LGALS8: variants seen among roughly 807,000 people sequenced by gnomAD.
LGALS8 encodes galectin-8.
A neutral mutation model predicts 35.9 loss-of-function variants in LGALS8; 30 were observed. The ratio of observed to expected loss-of-function variants is 0.83; its 90% CI spans 0.62 to 1.13. LGALS8 has a LOEUF of 1.13. Ranked by LOEUF, LGALS8 falls within the 50% of genes most tolerant of loss-of-function variation. LGALS8 has a pLI of 0.00. For missense variants in LGALS8, 366 were observed against 388.7 expected, an observed-to-expected ratio of 0.94 and a Z score of 0.49; for synonymous variants, 138 against 136.1, an observed-to-expected ratio of 1.01 and a Z score of -0.10.
Position 236,552,249 on chromosome 1 carries a change from T to C in LGALS8, c.*4088T>C. On this transcript the variant is annotated 3_prime_UTR_variant, in exon 10 of 10. Coordinates refer to ENST00000366584, the MANE Select transcript of LGALS8 (RefSeq NM_201544.4). ...ATTCACTTCATTATGTTCATTAAGCTTTCATCTTAGAATACCAGTTTCACC... is the reference window on the plus strand; with the variant it reads ...ATTCACTTCATTATGTTCATTAAGCCTTCATCTTAGAATACCAGTTTCACC... 1.8e-6 allele frequency: 1 copy of C among 540,652 alleles called. No individual in the cohort carries two copies. Among genetic ancestry groups the C allele is most frequent in the Non-Finnish European group, 3.2e-6 (1 of 308,528 alleles). 33.5% of individuals were successfully genotyped at this position (540,652 alleles called of 1,614,324 possible).
In LGALS8 at chr1:236,537,575, G is replaced by A; in HGVS notation, c.124G>A (p.Asp42Asn). 1 of 1,599,572 alleles carries A rather than the reference G, an allele frequency of 6.3e-7. No homozygotes were observed. Among genetic ancestry groups the A allele is most frequent in the South Asian group, 1.1e-5 (1 of 90,844 alleles). ...LIVIRGHVPSDADRFQVDLQN... is the reference protein window; with the variant it reads ...LIVIRGHVPSNADRFQVDLQN... ...TGTGATACGTGGGCATGTTCCTAGT[G>A]ACGCAGACAGGTAAAATCACTGTGC... Residue 42 changes from aspartate to asparagine, a missense_variant, in exon 3 of 10, where the codon GAC becomes AAC. Transcript: ENST00000366584.
At position 236,538,092 on chromosome 1, in the gene LGALS8, A is replaced by AAG. The variant is rs1381740609; in HGVS notation, c.134+508_134+509insGA. 5.3e-4 allele frequency among the ~76,000 whole-genome samples: 69 copies of AAG among 129,710 alleles called. 3 individuals are homozygous for AAG. Among genetic ancestry groups the AAG allele is most frequent in the African/African-American group, 2.3e-3 (65 of 27,888 alleles). 85.1% of individuals were successfully genotyped at this position (129,710 alleles called of 152,430 possible). Reference sequence around the variant, plus strand: ...TGCACTATAGCCTGGGTGACAAAAAAAAAAAAGAAAAAGAAAAAGAATTAG... The same window carrying AAG: ...TGCACTATAGCCTGGGTGACAAAAAAAGAAAAAAGAAAAAGAAAAAGAATTAG... On this transcript the variant is annotated intron_variant, in intron 3 of 9. Coordinates refer to ENST00000366584, the MANE Select transcript of LGALS8 (RefSeq NM_201544.4).
chr1:236,523,227 T>A (rs902131313), upstream of LGALS8: 1 of 152,254 alleles, frequency 6.6e-6, no homozygotes, highest in Admixed American at 6.5e-5. Context: ...CTGCTTAAAC[T>A]GTTCCCTAAG....
chr1:236,543,296 C>G (rs947030891), intron 7 of LGALS8: 2 of 640,848 alleles, frequency 3.1e-6, no homozygotes, highest in Non-Finnish European at 5.6e-6. Flanking sequence ...GGGGGCCTTC[C>G]TGGCGTGTTT....
At position 236,538,871 on chromosome 1, in the gene LGALS8, T is replaced by A; in HGVS notation, c.135-8T>A. 2 of 1,608,786 alleles carry A rather than the reference T, an allele frequency of 1.2e-6. No homozygotes were observed. Among genetic ancestry groups the A allele is most frequent in the Non-Finnish European group, 1.7e-6 (2 of 1,176,636 alleles). On this transcript the variant is annotated splice_region_variant and splice_polypyrimidine_tract_variant and intron_variant, in intron 3 of 9. Transcript: ENST00000366584. ...ACTCATGGGGCCCCTGTGTCTTCCC[T>A]CATATAGATTCCAGGTGGATCTGCA...
In LGALS8 at chr1:236,526,196, G is replaced by A; in HGVS notation, c.45+81G>A. On this transcript the variant is annotated intron_variant, in intron 2 of 9. Transcript: ENST00000366584. This position sits in a 1 kb window ranked among gnomAD's most constrained non-coding sequence, Gnocchi z 4.6. ...TATTAATTATCCATTGGGAGACAGG[G>A]CAAGAATAAAAGCCAGTGAACATAT... 9.5e-7 allele frequency: 1 copy of A among 1,047,784 alleles called. No individual in the cohort carries two copies. The highest frequency in any genetic ancestry group is 1.5e-6 in the Non-Finnish European group (1 of 685,112). 64.9% of individuals were successfully genotyped at this position (1,047,784 alleles called of 1,614,324 possible). A position where few individuals can be genotyped will look rare whatever the true frequency, so the allele number is the denominator to read the frequency against.
At chr1:236,536,316 T>C (rs2853617) in intron 2 of LGALS8, 93,132 of 152,122 alleles carry the variant, frequency 0.61, 29,395 homozygotes, top group Non-Finnish European at 0.69. Context: ...TCAGATGCTC[T>C]AGATGGAGGC....
chr1:236,540,717 G>A (rs375147671), intron 5 of LGALS8, 34 bp downstream of exon 5: 2 of 1,571,802 alleles, frequency 1.3e-6, no homozygotes, highest in Admixed American at 1.9e-5. Flanking sequence ...GGTCTTTTAT[G>A]AGGATGGTTT....
intron 4 of LGALS8, 181 bp downstream of exon 4, chr1:236,539,270 A>G (rs1661795481): frequency 1.7e-6 from 1 of 593,300 alleles, no homozygotes; most frequent in East Asian, 2.9e-5. Context: ...TGGCACCACT[A>G]CTCTCCAGCC....
chr1:236,545,928 A>G (rs1662334491), intron 9 of LGALS8, among the ~76,000 whole-genome samples: 1 of 152,142 alleles, frequency 6.6e-6, no homozygotes, highest in African/African-American at 2.4e-5. Context: ...CAAGGCGCAA[A>G]GGGTGACTTG....
At chr1:236,530,399 G>A (rs1661081102) in intron 2 of LGALS8, among the ~76,000 whole-genome samples, 1 of 152,110 alleles carries the variant, frequency 6.6e-6, no homozygotes, top group South Asian at 2.1e-4. Flanking sequence ...GACTGAGAGT[G>A]GATTTCCTCA....
At chr1:236,544,614 C>T in intron 8 of LGALS8, 136 bp from the exon 9 acceptor site, 2 of 548,444 alleles carry the variant, frequency 3.6e-6, no homozygotes, top group South Asian at 1.0e-4. Context: ...CACCTGCATT[C>T]CCATGTCCAT....
intron 2 of LGALS8, among the ~76,000 whole-genome samples, chr1:236,528,546 ATTTTTTT>A (rs61261486): frequency 9.6e-6 from 1 of 104,238 alleles, no homozygotes; most frequent in Non-Finnish European, 1.8e-5. Flanking sequence ...AATGTTTCCA[ATTTTTTT>A]TTTTTTTTTT....
intron 9 of LGALS8, among the ~76,000 whole-genome samples, chr1:236,547,344 G>A (rs906697064): frequency 3.2e-5 from 3 of 92,736 alleles, no homozygotes; most frequent in Admixed American, 2.0e-4. Context: ...GAACACTGCC[G>A]ATGGATCTGA....
chr1:236,544,864 A>C lies in LGALS8; in HGVS notation c.753A>C (p.Glu251Asp). The change falls in exon 9 of 10, where the codon GAA becomes GAC. Residue 251 changes from glutamate to aspartate, a missense_variant. Coordinates refer to ENST00000366584, the MANE Select transcript of LGALS8 (RefSeq NM_201544.4). ...RNSFLQESWG[E>D]EERNITSFPF... Reference sequence around the variant, plus strand: ...CTTTTCTTCAGGAGTCCTGGGGAGAAGAAGAGAGAAATATTACCTCTTTCC... The same window carrying C: ...CTTTTCTTCAGGAGTCCTGGGGAGACGAAGAGAGAAATATTACCTCTTTCC... The C allele has an allele frequency of 6.2e-7, 1 of 1,613,880 alleles. No homozygotes were observed. Among genetic ancestry groups the C allele is most frequent in the African/African-American group, 1.3e-5 (1 of 75,062 alleles).
intron 5 of LGALS8, among the ~76,000 whole-genome samples, chr1:236,540,978 G>A (rs139054919): frequency 9.8e-5 from 15 of 152,308 alleles, no homozygotes; most frequent in African/African-American, 3.4e-4. Flanking sequence ...TGTAAGACAG[G>A]TTCCTAGGCT....
chr1:236,550,859 T>A lies in LGALS8; in HGVS notation c.*2698T>A. Reference sequence around the variant, plus strand: ...CACCCAAAAATAAAAATATGAAATATGAGTGTGAACTCTGAGTAGAGTATG... The same window carrying A: ...CACCCAAAAATAAAAATATGAAATAAGAGTGTGAACTCTGAGTAGAGTATG... On this transcript the variant is annotated 3_prime_UTR_variant, in exon 10 of 10. Transcript: ENST00000366584. The A allele has an allele frequency of 7.0e-7, 1 of 1,433,400 alleles. No homozygotes were observed. The highest frequency in any genetic ancestry group is 9.5e-7 in the Non-Finnish European group (1 of 1,048,296). The allele number at this position is 1,433,400 out of a possible 1,614,324, so 88.8% of individuals were successfully genotyped here.
rs1401473829 is a variant in LGALS8 at position 236,538,983 on chromosome 1, C to T, written c.239C>T (p.Thr80Ile). The T allele has an allele frequency of 1.9e-6, 3 of 1,614,170 alleles. No individual in the cohort carries two copies. The highest frequency in any genetic ancestry group is 3.3e-5 in the Admixed American group (2 of 60,026). The change falls in exon 4 of 10, where the codon ACT (threonine) becomes ATT (isoleucine). Residue 80 changes from threonine to isoleucine, a missense_variant. By Grantham distance (89) the Thr-to-Ile change is moderately conservative (BLOSUM62 -1). Transcript: ENST00000366584. ...FKRAGCIVCN[T>I]LINEKWGREE... is the part of the protein sequence containing the mutation. Reference sequence around the variant, plus strand: ...AGGGCCGGCTGCATTGTTTGCAATACTTTGATAAATGAAAAATGGGGACGG... The same window carrying T: ...AGGGCCGGCTGCATTGTTTGCAATATTTTGATAAATGAAAAATGGGGACGG...
intron 3 of LGALS8, among the ~76,000 whole-genome samples, chr1:236,538,650 G>A (rs2103091508): frequency 6.6e-6 from 1 of 152,334 alleles, no homozygotes; most frequent in East Asian, 1.9e-4. Context: ...GGCTGGGAAA[G>A]GTAGGTTTTT....
Sources: allele counts gnomAD v4.1 joint callset (sites outside exome capture counted in the v4.1 genomes callset), GRCh38; gene constraint gnomAD v4.1.1; non-coding constraint Gnocchi (gnomAD v3.1); transcripts MANE v1.5; gene names NCBI Gene and HGNC (gene_info 2026-07-23, HGNC 2026-07-21).